Variants in HLCS observed in about 807,000 individuals in gnomAD.
The protein encoded by HLCS is holocarboxylase synthetase, also known as biotin--protein ligase.
A neutral mutation model predicts 75.0 loss-of-function variants in HLCS; 53 were observed. That is an observed-to-expected ratio of 0.71 (90% confidence interval 0.57 to 0.89). The LOEUF (loss-of-function observed/expected upper bound fraction) is 0.89. HLCS is among the 40% of genes least tolerant of loss of function. The probability of loss-of-function intolerance (pLI) is 0.00; values close to 1 mark genes in which losing one functional copy is unlikely to be tolerated. For missense variants in HLCS, 966 were observed against 1,074.0 expected, an observed-to-expected ratio of 0.90 and a Z score of 1.41; for synonymous variants, 431 against 428.6, an observed-to-expected ratio of 1.01 and a Z score of -0.07.
chr21:36,784,760 G>A (rs1354856388), intron 6 of HLCS, among the ~76,000 whole-genome samples: 1 of 152,026 alleles, frequency 6.6e-6, no homozygotes, highest in Non-Finnish European at 1.5e-5. Context: ...CTGAAACAGA[G>A]TCACCTTACA....
chr21:36,987,819 T>C (rs1050452249), intron 1 of HLCS, among the ~76,000 whole-genome samples: 11 of 152,202 alleles, frequency 7.2e-5, no homozygotes, highest in Admixed American at 5.9e-4. Flanking sequence ...TTATATTTAC[T>C]TATTTGTTTA....
At chr21:36,974,604 G>A (rs1055180651) in intron 1 of HLCS, 1 of 152,184 alleles carries the variant, frequency 6.6e-6, no homozygotes, top group Admixed American at 6.5e-5. Flanking sequence ...CACCTAATCT[G>A]TTATGACTGG....
intron 6 of HLCS, among the ~76,000 whole-genome samples, chr21:36,860,594 G>A (rs1601543063): frequency 6.6e-6 from 1 of 152,266 alleles, no homozygotes; most frequent in South Asian, 2.1e-4. Flanking sequence ...AGGCTAAATT[G>A]CAACTTTCAT....
chr21:36,813,403 A>C (rs919396480), intron 6 of HLCS, among the ~76,000 whole-genome samples: 1 of 152,192 alleles, frequency 6.6e-6, no homozygotes, highest in Non-Finnish European at 1.5e-5. Context: ...TTGTTCTTGA[A>C]AGGTTGAGTT....
At chr21:36,844,336 G>A (rs1380745289) in intron 6 of HLCS, among the ~76,000 whole-genome samples, 1 of 152,052 alleles carries the variant, frequency 6.6e-6, no homozygotes, top group African/African-American at 2.4e-5. Context: ...TAATAATAGG[G>A]GGAAACGGAG....
chr21:36,841,301 A>G (rs2062606408), intron 6 of HLCS, among the ~76,000 whole-genome samples: 1 of 152,254 alleles, frequency 6.6e-6, no homozygotes, highest in Non-Finnish European at 1.5e-5. Flanking sequence ...AAACAAAACT[A>G]AACCACTGTC....
chr21:36,900,062 G>A (rs2065172726), intron 5 of HLCS, among the ~76,000 whole-genome samples: 2 of 152,000 alleles, frequency 1.3e-5, no homozygotes, highest in East Asian at 1.9e-4. Context: ...CCAAGATTGC[G>A]CCACTGCACT....
intron 6 of HLCS, among the ~76,000 whole-genome samples, chr21:36,775,565 C>T (rs1439408718): frequency 2.6e-5 from 4 of 152,352 alleles, no homozygotes; most frequent in Admixed American, 6.5e-5. Context: ...CTGCCTCTGA[C>T]GGCGAGCCTT....
In HLCS at chr21:36,752,552, T is replaced by C. The variant is rs1209410456; in HGVS notation, c.*1694A>G. On this transcript the variant is annotated 3_prime_UTR_variant, in exon 11 of 11. Coordinates refer to ENST00000674895, the MANE Select transcript of HLCS (RefSeq NM_001352514.2). ...CTCAAGGGTAAGTCCATTTTGTAAT[T>C]TGGGGATGGTGTGGACTTGTATTTT... The C allele has an allele frequency of 2.0e-5, 3 of 152,626 alleles. No individual in the cohort carries two copies. Among genetic ancestry groups the C allele is most frequent in the Non-Finnish European group, 2.9e-5 (2 of 68,048 alleles). The allele number at this position is 152,626 out of a possible 1,614,324, so 9.5% of individuals were successfully genotyped here. A position where few individuals can be genotyped will look rare whatever the true frequency, so the allele number is the denominator to read the frequency against.
In HLCS at chr21:36,835,040, G is replaced by A. The variant is rs561623481; in HGVS notation, c.1892+61820C>T. On this transcript the variant is annotated intron_variant, in intron 6 of 10. Coordinates refer to ENST00000674895, the MANE Select transcript of HLCS (RefSeq NM_001352514.2). ...CAGAAGATTCTCGAGATTCCCAGGT[G>A]AGGGTCTTCAGCCTCATCTCACCCA... is the stretch of plus-strand genomic sequence containing the variant. 3.3e-5 allele frequency among the ~76,000 whole-genome samples: 5 copies of A among 152,328 alleles called. No homozygotes were observed. The South Asian group carries it at 8.3e-4, about 25-fold the overall frequency.
At position 36,767,528 on chromosome 21, in the gene HLCS, G is replaced by A. The variant is rs73210783; in HGVS notation, c.1893-243C>T. Among the ~76,000 whole-genome samples the A allele has an allele frequency of 0.038, 5,816 of 152,246 alleles. 137 individuals are homozygous for A. The highest frequency in any genetic ancestry group is 0.12 in the Middle Eastern group (34 of 294). On this transcript the variant is annotated intron_variant, in intron 6 of 10. Coordinates refer to ENST00000674895, the MANE Select transcript of HLCS (RefSeq NM_001352514.2). ...TTTTAACATCAAAAAAAGAGCATGC[G>A]AGGGGGCGTGTGTACCTGCCTGAGC...
At chr21:36,874,439 A>T (rs1252447066) in intron 6 of HLCS, among the ~76,000 whole-genome samples, 1 of 151,760 alleles carries the variant, frequency 6.6e-6, no homozygotes, top group Non-Finnish European at 1.5e-5. Context: ...TAAAATAAAT[A>T]AATTAAAAAG....
chr21:36,826,814 T>C (rs192214093), intron 6 of HLCS, among the ~76,000 whole-genome samples: 14 of 152,332 alleles, frequency 9.2e-5, no homozygotes, highest in Admixed American at 5.2e-4. Flanking sequence ...TGGGACTCCA[T>C]TCTGCTATAC....
At chr21:36,860,052 G>C (rs1379669419) in intron 6 of HLCS, among the ~76,000 whole-genome samples, 1 of 152,218 alleles carries the variant, frequency 6.6e-6, no homozygotes, top group African/African-American at 2.4e-5. Context: ...TTAGCTGGAT[G>C]AGAATGCTCG....
At chr21:36,784,612 G>A (rs897457243) in intron 6 of HLCS, among the ~76,000 whole-genome samples, 17 of 152,022 alleles carry the variant, frequency 1.1e-4, no homozygotes, top group Admixed American at 2.6e-4. Context: ...CACCATGCCC[G>A]GCCGGCCAGC....
chr21:36,906,485 T>C (rs1353695067), intron 5 of HLCS, among the ~76,000 whole-genome samples: 1 of 152,186 alleles, frequency 6.6e-6, no homozygotes, highest in Non-Finnish European at 1.5e-5. Context: ...CAAGCCATGA[T>C]GGCACCACTG....
intron 6 of HLCS, among the ~76,000 whole-genome samples, chr21:36,864,813 C>T (rs8130004): frequency 0.012 from 1,885 of 152,202 alleles, 49 homozygotes; most frequent in African/African-American, 0.043. Context: ...TCTATTTCTA[C>T]TTTCCATTTT....
intron 6 of HLCS, among the ~76,000 whole-genome samples, chr21:36,768,907 G>C (rs996543040): frequency 2.0e-5 from 3 of 152,126 alleles, no homozygotes; most frequent in African/African-American, 7.2e-5. Flanking sequence ...TTTCTAGAGG[G>C]TCCAGCAACC....
chr21:36,829,628 T>C (rs2062128469), intron 6 of HLCS, among the ~76,000 whole-genome samples: 1 of 152,234 alleles, frequency 6.6e-6, no homozygotes, highest in East Asian at 1.9e-4. Context: ...CTCAATGGGT[T>C]CACGGTGCCA....
Sources: allele counts gnomAD v4.1 joint callset (sites outside exome capture counted in the v4.1 genomes callset), GRCh38; gene constraint gnomAD v4.1.1; transcripts MANE v1.5; gene names NCBI Gene and HGNC (gene_info 2026-07-23, HGNC 2026-07-21).